The following KCTD16 variants were observed in gnomAD, a reference collection of about 807,000 sequenced individuals.
The protein encoded by KCTD16 is BTB/POZ domain-containing protein KCTD16.
In KCTD16, 13 loss-of-function variants were observed where a neutral mutation model predicts 33.2. The ratio of observed to expected loss-of-function variants is 0.39; its 90% confidence interval spans 0.25 to 0.62. The LOEUF (loss-of-function observed/expected upper bound fraction) is 0.62. Among genes scored for constraint, KCTD16 ranks in the 20% least tolerant of loss-of-function variants. KCTD16 has a pLI of 0.50. For missense variants in KCTD16, 441 were observed against 525.1 expected (o/e 0.84, Z 1.57); for synonymous variants, 197 against 195.3 (o/e 1.01, Z -0.07).
intron 3 of KCTD16, among the ~76,000 whole-genome samples, chr5:144,286,691 C>A (rs1299077606): frequency 1.3e-5 from 2 of 152,138 alleles, no homozygotes; most frequent in African/African-American, 4.8e-5. Context: ...ATACTTTTTA[C>A]AAGGAGGAAT....
At chr5:144,258,782 G>A (rs987003534) in intron 3 of KCTD16, among the ~76,000 whole-genome samples, 1 of 152,190 alleles carries the variant, frequency 6.6e-6, no homozygotes, top group Non-Finnish European at 1.5e-5. Context: ...CTTTTGCACA[G>A]CTATATGAAT....
intron 3 of KCTD16, among the ~76,000 whole-genome samples, chr5:144,363,168 C>T (rs998264950): frequency 6.6e-6 from 1 of 151,986 alleles, no homozygotes; most frequent in South Asian, 2.1e-4. Context: ...ACAGTGAAAC[C>T]CAATCTCTAC....
At chr5:144,367,902 C>T (rs1249940312) in intron 3 of KCTD16, among the ~76,000 whole-genome samples, 1 of 150,614 alleles carries the variant, frequency 6.6e-6, no homozygotes, top group African/African-American at 2.5e-5. Context: ...TGAGAACATG[C>T]AGTATTCAGT....
chr5:144,411,256 G>A (rs1018475154), intron 3 of KCTD16, among the ~76,000 whole-genome samples: 2 of 152,090 alleles, frequency 1.3e-5, no homozygotes, highest in Admixed American at 6.5e-5. Context: ...AACAAAGCTG[G>A]AGGCATCACA....
intron 3 of KCTD16, among the ~76,000 whole-genome samples, chr5:144,471,005 GCCTCTCTACTGAACATA>G: frequency 6.6e-6 from 1 of 152,186 alleles, no homozygotes; most frequent in South Asian, 2.1e-4. Context: ...TGGTGAAACC[GCCTCTCTACTGAACATA>G]CCAAAAAATT....
rs143337126 is a variant in KCTD16, at chr5:144,434,410, G to A, written c.833-39250G>A. ...ATATTCATAGACATCATAATATTCA[G>A]TATGAGGATCCTGAATGAGGGAGGG... is the stretch of plus-strand genomic sequence containing the variant. On this transcript the variant is annotated intron_variant, in intron 3 of 3. Transcript: ENST00000512467. Among the ~76,000 whole-genome samples the A allele has an allele frequency of 5.9e-5, 9 of 152,134 alleles. No homozygotes were observed. In the East Asian group the frequency reaches 1.7e-3, roughly 29 times the overall value.
At chr5:144,277,902 T>A (rs1755482014) in intron 3 of KCTD16, among the ~76,000 whole-genome samples, 1 of 152,216 alleles carries the variant, frequency 6.6e-6, no homozygotes, top group African/African-American at 2.4e-5. Flanking sequence ...GTTTTGAGAT[T>A]TAAAAAAATA....
chr5:144,436,362 A>T (rs917983895), intron 3 of KCTD16, among the ~76,000 whole-genome samples: 1 of 152,040 alleles, frequency 6.6e-6, no homozygotes, highest in East Asian at 1.9e-4. Context: ...ATTTTTAGGG[A>T]CCCTGTAAAA....
intron 3 of KCTD16, among the ~76,000 whole-genome samples, chr5:144,257,208 T>C (rs1212515196): frequency 1.3e-5 from 2 of 152,202 alleles, no homozygotes; most frequent in Non-Finnish European, 2.9e-5. Context: ...TATTGAACAA[T>C]TGAAATCTAG....
chr5:144,342,556 T>C (rs529248118), intron 3 of KCTD16, among the ~76,000 whole-genome samples: 34 of 152,324 alleles, frequency 2.2e-4, no homozygotes, highest in Non-Finnish European at 4.3e-4. Context: ...TTTTCCTAAC[T>C]GAATACCCTT....
At chr5:144,397,782 A>T (rs1263141788) in intron 3 of KCTD16, among the ~76,000 whole-genome samples, 1 of 152,216 alleles carries the variant, frequency 6.6e-6, no homozygotes, top group Non-Finnish European at 1.5e-5. Flanking sequence ...ACCTGACTTC[A>T]AACTATACTA....
chr5:144,189,517 A>C (rs958985146), intron 2 of KCTD16, among the ~76,000 whole-genome samples: 6 of 151,942 alleles, frequency 3.9e-5, no homozygotes, highest in African/African-American at 1.5e-4. Context: ...AAAAGAAAAA[A>C]GAAAAAGAAA....
intron 3 of KCTD16, chr5:144,439,269 GT>G (rs1753647239): frequency 2.7e-6 from 1 of 376,848 alleles, no homozygotes; most frequent in Non-Finnish European, 5.1e-6. Flanking sequence ...GTATTGGCAT[GT>G]CATGTTGCCC....
chr5:144,214,467 C>G (rs1192174134), intron 3 of KCTD16, among the ~76,000 whole-genome samples: 3 of 152,180 alleles, frequency 2.0e-5, no homozygotes, highest in African/African-American at 7.2e-5. Flanking sequence ...AATACAAACT[C>G]TTTAACATGA....
intron 3 of KCTD16, among the ~76,000 whole-genome samples, chr5:144,298,773 A>T (rs1393383978): frequency 6.6e-6 from 1 of 151,832 alleles, no homozygotes; most frequent in Non-Finnish European, 1.5e-5. Context: ...TTACTGATTT[A>T]CCTTCATCTC....
At chr5:144,299,132 A>C (rs1424948597) in intron 3 of KCTD16, among the ~76,000 whole-genome samples, 1 of 28,680 alleles carries the variant, frequency 3.5e-5, no homozygotes, top group Non-Finnish European at 5.3e-5. Context: ...ATATATATAT[A>C]TATATATATA....
intron 3 of KCTD16, among the ~76,000 whole-genome samples, chr5:144,433,918 G>C (rs1358295723): frequency 6.6e-6 from 1 of 152,134 alleles, no homozygotes; most frequent in Non-Finnish European, 1.5e-5. Flanking sequence ...CTGTGAGGCA[G>C]CTGCCCCTGT....
At chr5:144,391,651 T>C (rs964136703) in intron 3 of KCTD16, among the ~76,000 whole-genome samples, 2 of 152,216 alleles carry the variant, frequency 1.3e-5, no homozygotes, top group Non-Finnish European at 2.9e-5. Context: ...TTCCATTTTC[T>C]CCTTATAAAA....
chr5:144,200,179 A>T (rs1186687561), intron 2 of KCTD16, among the ~76,000 whole-genome samples: 1 of 151,880 alleles, frequency 6.6e-6, no homozygotes, highest in African/African-American at 2.4e-5. Context: ...TAAAGATCAA[A>T]TCTCAAAATT....
Sources: gnomAD v4.1 joint callset for allele counts (sites outside exome capture counted in the v4.1 genomes callset) on GRCh38, gnomAD v4.1.1 for gene constraint, MANE v1.5 for transcripts, NCBI Gene and HGNC (gene_info 2026-07-23, HGNC 2026-07-21) for gene names.